The following NDUFA10 variants were observed in gnomAD, a reference collection of about 807,000 sequenced individuals.
NDUFA10 encodes the protein NADH:ubiquinone oxidoreductase subunit A10, also known as NADH dehydrogenase [ubiquinone] 1 alpha subcomplex subunit 10, mitochondrial.
Under a neutral mutation model 47.8 loss-of-function variants are expected in NDUFA10, and 40 were observed. The ratio of observed to expected loss-of-function variants is 0.84; its 90% CI spans 0.65 to 1.09. The LOEUF (loss-of-function observed/expected upper bound fraction) is 1.09. NDUFA10 is among the 50% of genes least tolerant of loss of function. NDUFA10 has a pLI of 0.00. For synonymous variants in NDUFA10, 183 were observed against 172.2 expected (o/e 1.06, Z -0.49); for missense variants, 413 against 451.1 (o/e 0.92, Z 0.76).
rs1694749454 is a variant in NDUFA10 at position 239,959,259 on chromosome 2, T to C, written c.*1859A>G. 5 of 985,416 alleles carry C rather than the reference T, an allele frequency of 5.1e-6. No homozygotes were observed. Among genetic ancestry groups the C allele is most frequent in the African/African-American group, 3.5e-5 (2 of 57,344 alleles). The allele number at this position is 985,416 out of a possible 1,614,324, so 61.0% of individuals were successfully genotyped here. A position where few individuals can be genotyped will look rare whatever the true frequency, so the allele number is the denominator to read the frequency against. On this transcript the variant is annotated 3_prime_UTR_variant, in exon 10 of 10. Coordinates refer to ENST00000252711, the MANE Select transcript of NDUFA10 (RefSeq NM_004544.4). ...CATGCCGACACGGAGCCCTGCATGG[T>C]TGGAGAGCTCTGCCCCTCACAAGGG...
intron 4 of NDUFA10, among the ~76,000 whole-genome samples, chr2:239,929,151 G>A (rs1029672675): frequency 6.6e-6 from 1 of 152,234 alleles, no homozygotes; most frequent in African/African-American, 2.4e-5. Flanking sequence ...CCAAAGCCGG[G>A]ATGCAGCCAC....
intron 4 of NDUFA10, among the ~76,000 whole-genome samples, chr2:239,932,746 AT>A (rs963387768): frequency 6.6e-6 from 1 of 151,552 alleles, no homozygotes; most frequent in African/African-American, 2.4e-5. Flanking sequence ...TACCCGGCTA[AT>A]TTTTTTTGTA....
intron 9 of NDUFA10, among the ~76,000 whole-genome samples, chr2:239,973,847 A>G (rs962134677): frequency 6.6e-6 from 1 of 152,240 alleles, no homozygotes; most frequent in Non-Finnish European, 1.5e-5. Flanking sequence ...AGGGTCGCTA[A>G]GGAAAAACAT....
intron 1 of NDUFA10, among the ~76,000 whole-genome samples, chr2:240,023,996 C>T (rs1039481300): frequency 6.6e-6 from 1 of 152,214 alleles, no homozygotes; most frequent in Admixed American, 6.5e-5. Flanking sequence ...CGCATGCTGG[C>T]GAGCACGCAG....
chr2:239,938,109 G>A (rs1476627255), intron 4 of NDUFA10, among the ~76,000 whole-genome samples: 1 of 152,116 alleles, frequency 6.6e-6, no homozygotes, highest in Admixed American at 6.5e-5. Flanking sequence ...GTGCTCGGCC[G>A]CAACCCCAGC....
At chr2:239,967,307 G>T (rs1695115271) in intron 9 of NDUFA10, among the ~76,000 whole-genome samples, 1 of 152,178 alleles carries the variant, frequency 6.6e-6, no homozygotes, top group South Asian at 2.1e-4. Flanking sequence ...TCATGCATGG[G>T]TCGGCAAACT....
intron 9 of NDUFA10, among the ~76,000 whole-genome samples, chr2:239,975,792 G>A (rs1695494041): frequency 6.6e-6 from 1 of 152,050 alleles, no homozygotes. Context: ...GGCCATGGCT[G>A]CCAGATTAAT....
At chr2:239,974,295 A>C (rs1695422106) in intron 9 of NDUFA10, among the ~76,000 whole-genome samples, 1 of 152,228 alleles carries the variant, frequency 6.6e-6, no homozygotes, top group Admixed American at 6.5e-5. Context: ...GGTGTCGCCT[A>C]GAGTGTGGAC....
chr2:240,024,307 C>A (rs1697763674), intron 1 of NDUFA10, among the ~76,000 whole-genome samples: 1 of 152,162 alleles, frequency 6.6e-6, no homozygotes, highest in African/African-American at 2.4e-5. Context: ...AGTTACCAAG[C>A]CACGAAGACA....
chr2:239,946,037 C>T (rs917526757), intron 4 of NDUFA10, among the ~76,000 whole-genome samples: 1 of 152,214 alleles, frequency 6.6e-6, no homozygotes, highest in Non-Finnish European at 1.5e-5. Context: ...GAACAGGGAG[C>T]CCAGGCTTCC....
chr2:239,978,719 C>T (rs542752055), intron 9 of NDUFA10, among the ~76,000 whole-genome samples: 2 of 152,146 alleles, frequency 1.3e-5, no homozygotes, highest in African/African-American at 2.4e-5. Flanking sequence ...ATGAAAACTA[C>T]GCGTCTGAAA....
In NDUFA10 at chr2:239,994,863, C is replaced by G. The variant is rs1456389124; in HGVS notation, c.891-4681G>C. 2.6e-5 allele frequency among the ~76,000 whole-genome samples: 4 copies of G among 152,188 alleles called. No individual in the cohort carries two copies. In the East Asian group the frequency reaches 7.7e-4, roughly 29 times the overall value. On this transcript the variant is annotated intron_variant, in intron 8 of 9. Transcript: ENST00000252711. ...ACAAAGAGGGAACTTCCAGCTTCAG[C>G]TCCAAAGGGTGAAGGCTGGAAGCTG...
At chr2:239,982,346 T>C in intron 9 of NDUFA10, 2 of 1,308,708 alleles carry the variant, frequency 1.5e-6, no homozygotes, top group African/African-American at 2.9e-5. Flanking sequence ...AAAAAGATTC[T>C]TGTCTTGATT....
At chr2:240,001,898 C>T (rs1019952174) in intron 8 of NDUFA10, among the ~76,000 whole-genome samples, 8 of 152,204 alleles carry the variant, frequency 5.3e-5, no homozygotes, top group Non-Finnish European at 8.8e-5. Flanking sequence ...AGCAAACTCA[C>T]GGCCCTCAGG....
chr2:239,939,496 C>T (rs1460662862), intron 4 of NDUFA10, among the ~76,000 whole-genome samples: 1 of 152,230 alleles, frequency 6.6e-6, no homozygotes, highest in Admixed American at 6.5e-5. Context: ...GGCATTTCTG[C>T]TTTTGCCACA....
At chr2:239,894,386 CT>C (rs905248892) in intron 5 of NDUFA10, among the ~76,000 whole-genome samples, 4 of 152,022 alleles carry the variant, frequency 2.6e-5, no homozygotes, top group Non-Finnish European at 5.9e-5. Flanking sequence ...CCGTCCTCAG[CT>C]CCATCATCCC....
In NDUFA10 at chr2:240,025,305, T is replaced by C; in HGVS notation, c.-4A>G. ...GCTTCAGGAGCCGCAAGGCCATGGC[T>C]ACCCGGTCAGCTCAGGATCAAGGAC... On this transcript the variant is annotated 5_prime_UTR_variant, in exon 1 of 10. Coordinates refer to ENST00000252711, the MANE Select transcript of NDUFA10 (RefSeq NM_004544.4). The C allele has an allele frequency of 4.0e-6, 6 of 1,505,408 alleles. No individual in the cohort carries two copies. Among genetic ancestry groups the C allele is most frequent in the Non-Finnish European group, 5.3e-6 (6 of 1,130,650 alleles). The allele number at this position is 1,505,408 out of a possible 1,614,324, so 93.3% of individuals were successfully genotyped here.
At chr2:239,937,253 G>A (rs543087667) in intron 4 of NDUFA10, among the ~76,000 whole-genome samples, 12 of 152,172 alleles carry the variant, frequency 7.9e-5, no homozygotes, top group African/African-American at 1.4e-4. Flanking sequence ...CACCCATTTC[G>A]AGTATGCAAC....
chr2:239,938,459 T>C (rs1214419214), intron 4 of NDUFA10, among the ~76,000 whole-genome samples: 1 of 152,238 alleles, frequency 6.6e-6, no homozygotes, highest in Non-Finnish European at 1.5e-5. Flanking sequence ...AGTTGCTTCC[T>C]GGTTTGTCAG....
Sources: allele counts gnomAD v4.1 joint callset (sites outside exome capture counted in the v4.1 genomes callset), GRCh38; gene constraint gnomAD v4.1.1; transcripts MANE v1.5; gene names NCBI Gene and HGNC (gene_info 2026-07-23, HGNC 2026-07-21).